The following CLCN1 variants were observed in gnomAD, a reference collection of about 807,000 sequenced individuals.
The protein encoded by CLCN1 is chloride channel protein 1.
A neutral mutation model predicts 114.5 loss-of-function variants in CLCN1; 100 were observed. The ratio of observed to expected loss-of-function variants is 0.87; its 90% CI spans 0.74 to 1.03. The LOEUF (loss-of-function observed/expected upper bound fraction) is 1.03. CLCN1 is among the 50% of genes least tolerant of loss of function. The probability of loss-of-function intolerance (pLI) is 0.00; values close to 1 mark genes in which losing one functional copy is unlikely to be tolerated. For synonymous variants in CLCN1, 485 were observed against 487.1 expected, an observed-to-expected ratio of 1.00 and a Z score of 0.06; for missense variants, 1,188 against 1,250.0, an observed-to-expected ratio of 0.95 and a Z score of 0.75.
Position 143,339,626 on chromosome 7 carries a change from G to A in CLCN1, c.1582+5G>A. 2 of 1,536,776 alleles carry A rather than the reference G, an allele frequency of 1.3e-6. No individual in the cohort carries two copies. The highest frequency in any genetic ancestry group is 1.7e-4 in the Middle Eastern group (1 of 5,910). The stretch of plus-strand genomic sequence containing the variant: ...CTGGGGGCTATGCAGTAATTGGTGA[G>A]AAACATTCCCACTTCCCTGTAATCA... On this transcript the variant is annotated splice_donor_5th_base_variant and intron_variant, in intron 14 of 22. Coordinates refer to ENST00000343257, the MANE Select transcript of CLCN1 (RefSeq NM_000083.3). The surrounding 1 kb of genome is among the most constrained non-coding windows in gnomAD (Gnocchi z 4.1).
chr7:143,336,654 G>GGA (rs1563081981), intron 12 of CLCN1, among the ~76,000 whole-genome samples: 2 of 64,512 alleles, frequency 3.1e-5, no homozygotes, highest in East Asian at 8.5e-4. Context: ...AGGAAGGAAG[G>GGA]AAGGGAAAGA....
Position 143,331,270 on chromosome 7 carries a change from G to T in CLCN1, c.1018G>T (p.Asp340Tyr). The T allele has an allele frequency of 6.2e-7, 1 of 1,613,852 alleles. No homozygotes were observed. Among genetic ancestry groups the T allele is most frequent in the South Asian group, 1.1e-5 (1 of 91,076 alleles). The change falls in exon 9 of 23, where the codon GAT (aspartate) becomes TAT (tyrosine). Residue 340 changes from aspartate to tyrosine, a missense_variant. Asp to Tyr is a radical substitution (Grantham distance 160, BLOSUM62 -3). Coordinates refer to ENST00000343257, the MANE Select transcript of CLCN1 (RefSeq NM_000083.3). The stretch of plus-strand genomic sequence containing the variant: ...TCTGTTCAGAACCAATTTCCGAATG[G>T]ATTTCCCCTTTGACCTGAAGGAACT... ...TALFRTNFRM[D>Y]FPFDLKELPA...
intron 15 of CLCN1, 74 bp downstream of exon 15, chr7:143,342,216 A>T (rs1803099257): frequency 6.5e-7 from 1 of 1,532,328 alleles, no homozygotes; most frequent in Middle Eastern, 1.7e-4. Flanking sequence ...GACTGAGCTT[A>T]GAGTTAAAGT....
rs560970230 is a variant in CLCN1 at position 143,317,712 on chromosome 7, G to A, written c.180+1320G>A. ...CTCTCAGTCCCTGACCAACCCCCAG[G>A]AGTATTTGCAAAGGCAGCGCTAGGG... On this transcript the variant is annotated intron_variant, in intron 1 of 22. Coordinates refer to ENST00000343257, the MANE Select transcript of CLCN1 (RefSeq NM_000083.3). Among the ~76,000 whole-genome samples the A allele has an allele frequency of 2.0e-5, 3 of 152,220 alleles. No homozygotes were observed. The South Asian group carries it at 6.2e-4, about 32-fold the overall frequency.
intron 5 of CLCN1, 59 bp from the exon 6 acceptor site, chr7:143,323,250 A>G: frequency 1.1e-6 from 1 of 880,464 alleles, no homozygotes. Flanking sequence ...TAGTCCAGTG[A>G]GTGCTGCAGA....
chr7:143,342,182 G>T lies in CLCN1; in HGVS notation c.1796+40G>T, dbSNP rs754847228. 15 of 1,587,766 alleles carry T rather than the reference G, an allele frequency of 9.4e-6. No homozygotes were observed. In the South Asian group the frequency reaches 1.5e-4, roughly 16 times the overall value. On this transcript the variant is annotated intron_variant, in intron 15 of 22. Coordinates refer to ENST00000343257, the MANE Select transcript of CLCN1 (RefSeq NM_000083.3). Reference sequence around the variant, plus strand: ...ACGGAATTAGTTCAGATCTGATGGGGAGAGTGGGAGGTTCTGAGGCTGAGA... The same window carrying T: ...ACGGAATTAGTTCAGATCTGATGGGTAGAGTGGGAGGTTCTGAGGCTGAGA...
rs181906000 is a variant in CLCN1, at chr7:143,344,817, C to G, written c.1931-704C>G. ...CCAGGTTGGAGTGCAGTGGTGCGAT[C>G]TCAGCTCACTGCAACCTCTGCCTCC... On this transcript the variant is annotated intron_variant, in intron 16 of 22. Coordinates refer to ENST00000343257, the MANE Select transcript of CLCN1 (RefSeq NM_000083.3). Among the ~76,000 whole-genome samples, 746 of 145,710 alleles carry G rather than the reference C, an allele frequency of 5.1e-3. 18 individuals carry two copies. Among genetic ancestry groups the G allele is most frequent in the Non-Finnish European group, 1.7e-3 (113 of 67,328 alleles).
chr7:143,326,660 G>T (rs1402896130), intron 7 of CLCN1, among the ~76,000 whole-genome samples: 2 of 152,184 alleles, frequency 1.3e-5, no homozygotes, highest in African/African-American at 4.8e-5. Context: ...TGGCAAGGAG[G>T]ATGGTGGGCA....
At chr7:143,336,470 C>T (rs989697136) in intron 12 of CLCN1, among the ~76,000 whole-genome samples, 37 of 151,772 alleles carry the variant, frequency 2.4e-4, no homozygotes, top group African/African-American at 8.0e-4. Context: ...ATTACCTGGG[C>T]GTGGTGGCAG....
At chr7:143,332,130 AT>A (rs1802740500) in intron 10 of CLCN1, among the ~76,000 whole-genome samples, 2 of 151,966 alleles carry the variant, frequency 1.3e-5, no homozygotes, top group African/African-American at 4.8e-5. Flanking sequence ...TGCCTGGCTA[AT>A]TTTTGTATTT....
intron 20 of CLCN1, 69 bp downstream of exon 20, chr7:143,347,018 A>G: frequency 7.6e-7 from 1 of 1,319,642 alleles, no homozygotes; most frequent in Non-Finnish European, 1.1e-6. Context: ...ATTTGTTTCT[A>G]CCTTCTTTAT....
intron 12 of CLCN1, among the ~76,000 whole-genome samples, chr7:143,338,720 G>C (rs1802988097): frequency 6.6e-6 from 1 of 151,580 alleles, no homozygotes; most frequent in African/African-American, 2.4e-5. Flanking sequence ...TTCAGAGGCG[G>C]AGGTTGCAGT....
chr7:143,322,734 C>T (rs991045668), intron 5 of CLCN1, among the ~76,000 whole-genome samples: 1 of 152,230 alleles, frequency 6.6e-6, no homozygotes, highest in Non-Finnish European at 1.5e-5. Flanking sequence ...ATTGGTCAGG[C>T]TGGTCTCAAA....
chr7:143,338,655 C>T (rs755129870), intron 12 of CLCN1, among the ~76,000 whole-genome samples: 11 of 151,976 alleles, frequency 7.2e-5, no homozygotes, highest in Admixed American at 2.0e-4. Context: ...GGCATGGTGG[C>T]GTGCGCCTAT....
rs1586517500 is a variant in CLCN1 at position 143,346,934 on chromosome 7, C to T, written c.2388C>T (p.Asn796=). 1 of 1,613,756 alleles carries T rather than the reference C, an allele frequency of 6.2e-7. No homozygotes were observed. The highest frequency in any genetic ancestry group is 8.5e-7 in the Non-Finnish European group (1 of 1,179,676). The change falls in exon 20 of 23, where the codon AAC becomes AAT. Residue 796 remains asparagine, a synonymous_variant. Coordinates refer to ENST00000343257, the MANE Select transcript of CLCN1 (RefSeq NM_000083.3). ...AGGATTCCACAGATTTAGTGGATAA[C>T]ATGTCACCTGAAGAGGTGAGTAAGG... ...TTQDSTDLVD[N]MSPEEIEAWE...
chr7:143,320,476 G>A (rs569956240), intron 2 of CLCN1, among the ~76,000 whole-genome samples, 188 bp from the exon 3 acceptor site: 25 of 151,918 alleles, frequency 1.6e-4, no homozygotes, highest in Middle Eastern at 3.4e-3. Context: ...TAAGACATAC[G>A]GACCCTGGGG....
chr7:143,338,076 C>T (rs146428287), intron 12 of CLCN1, among the ~76,000 whole-genome samples: 124 of 152,110 alleles, frequency 8.2e-4, no homozygotes, highest in African/African-American at 2.3e-3. Context: ...GATCTCCTGA[C>T]CTCGTGATCT....
rs969566317 is a variant in CLCN1, at chr7:143,324,237, T to C, written c.775-177T>C. Among the ~76,000 whole-genome samples, 1 of 152,224 alleles carries C rather than the reference T, an allele frequency of 6.6e-6. No individual in the cohort carries two copies. Among genetic ancestry groups the C allele is most frequent in the African/African-American group, 2.4e-5 (1 of 41,474 alleles). On this transcript the variant is annotated intron_variant, in intron 6 of 22. Transcript: ENST00000343257. The surrounding 1 kb of genome is among the most constrained non-coding windows in gnomAD (Gnocchi z 4.6). ...ACTGTGCTATGAGGTTAATTCCTTT[T>C]TGCCAAACTCACTGAGTTTCTCTTG...
chr7:143,347,458 T>C (rs1023980103), intron 20 of CLCN1, among the ~76,000 whole-genome samples: 2 of 150,510 alleles, frequency 1.3e-5, no homozygotes, highest in Non-Finnish European at 3.0e-5. Flanking sequence ...CCATTTCTAC[T>C]AAAAATACAA....
Sources: gnomAD v4.1 joint callset for allele counts (sites outside exome capture counted in the v4.1 genomes callset) on GRCh38, gnomAD v4.1.1 for gene constraint, Gnocchi (gnomAD v3.1) non-coding constraint, MANE v1.5 for transcripts, NCBI Gene and HGNC (gene_info 2026-07-23, HGNC 2026-07-21) for gene names.